Variants in CDH6 observed in about 807,000 individuals in gnomAD.
CDH6 encodes cadherin 6.
CDH6 carries 31 observed loss-of-function variants against 78.0 expected under a neutral mutation model. That is an observed-to-expected ratio of 0.40 (90% CI 0.30 to 0.54). CDH6 has a LOEUF of 0.54. CDH6 is among the 20% of genes least tolerant of loss of function. The probability of loss-of-function intolerance (pLI) is 0.56; values close to 1 mark genes in which losing one functional copy is unlikely to be tolerated. For synonymous variants in CDH6, 376 were observed against 368.8 expected, an observed-to-expected ratio of 1.02 and a Z score of -0.23; for missense variants, 724 against 975.9, an observed-to-expected ratio of 0.74 and a Z score of 3.44.
intron 2 of CDH6, among the ~76,000 whole-genome samples, chr5:31,274,996 A>C (rs1303420094): frequency 6.6e-6 from 1 of 152,166 alleles, no homozygotes; most frequent in East Asian, 1.9e-4. Flanking sequence ...CTTTGAGTCT[A>C]TTCTATAGGC....
intron 1 of CDH6, among the ~76,000 whole-genome samples, chr5:31,237,165 T>A (rs1343330496): frequency 3.7e-5 from 5 of 133,552 alleles, no homozygotes; most frequent in African/African-American, 1.2e-4. Flanking sequence ...ATTTAGTAAA[T>A]AGTTAGCAAT....
chr5:31,284,327 A>G (rs932049422), intron 2 of CDH6, among the ~76,000 whole-genome samples: 1 of 152,228 alleles, frequency 6.6e-6, no homozygotes, highest in African/African-American at 2.4e-5. Flanking sequence ...ATGGTAGGAC[A>G]TTCCCAAAAC....
intron 1 of CDH6, among the ~76,000 whole-genome samples, chr5:31,266,973 G>A (rs1392374592): frequency 6.6e-6 from 1 of 152,118 alleles, no homozygotes; most frequent in Non-Finnish European, 1.5e-5. Context: ...CCTTAAACTT[G>A]TTCATGAGGA....
chr5:31,267,362 A>T lies in CDH6; in HGVS notation c.-112A>T. ...TCTTTCCAGATATCCTCTGAGAGCC[A>T]AGCAAAGAACATTAAGGAAGGAAGG... is the stretch of plus-strand genomic sequence containing the variant. On this transcript the variant is annotated 5_prime_UTR_variant, in exon 2 of 12. Transcript: ENST00000265071. 1 of 748,278 alleles carries T rather than the reference A, an allele frequency of 1.3e-6. No individual in the cohort carries two copies. Among genetic ancestry groups the T allele is most frequent in the Non-Finnish European group, 2.3e-6 (1 of 437,900 alleles). 46.4% of individuals were successfully genotyped at this position (748,278 alleles called of 1,614,324 possible).
chr5:31,239,213 G>A (rs1404484205), intron 1 of CDH6, among the ~76,000 whole-genome samples: 2 of 152,166 alleles, frequency 1.3e-5, no homozygotes, highest in Admixed American at 1.3e-4. Flanking sequence ...AGTCCCTAGA[G>A]GATATTGTGT....
intron 1 of CDH6, among the ~76,000 whole-genome samples, chr5:31,211,608 A>T (rs1371484345): frequency 6.6e-6 from 1 of 152,162 alleles, no homozygotes; most frequent in Admixed American, 6.5e-5. Flanking sequence ...AAGCCAACAG[A>T]GTTCTACATC....
At chr5:31,279,534 C>A (rs1299603006) in intron 2 of CDH6, among the ~76,000 whole-genome samples, 2 of 152,018 alleles carry the variant, frequency 1.3e-5, no homozygotes, top group Admixed American at 6.6e-5. Flanking sequence ...CATGCCACTG[C>A]ACTCTAGCCT....
intron 11 of CDH6, among the ~76,000 whole-genome samples, chr5:31,319,762 C>T (rs1738427330): frequency 6.6e-6 from 1 of 152,150 alleles, no homozygotes; most frequent in African/African-American, 2.4e-5. Context: ...GAAAGTGGAT[C>T]ATATGGTAAT....
At chr5:31,198,162 T>G (rs1027571338) in intron 1 of CDH6, among the ~76,000 whole-genome samples, 2 of 152,164 alleles carry the variant, frequency 1.3e-5, no homozygotes, top group African/African-American at 4.8e-5. Context: ...AACTTTCAAC[T>G]CTTCCAACAA....
At chr5:31,226,759 C>G (rs748901388) in intron 1 of CDH6, among the ~76,000 whole-genome samples, 1 of 152,138 alleles carries the variant, frequency 6.6e-6, no homozygotes. Context: ...AACACAAATT[C>G]GTCGTTTTTG....
intron 4 of CDH6, among the ~76,000 whole-genome samples, chr5:31,297,711 C>T (rs1473290404): frequency 6.6e-6 from 1 of 152,152 alleles, no homozygotes; most frequent in African/African-American, 2.4e-5. Context: ...GGCCTGTTTA[C>T]AGATATTCAG....
chr5:31,194,615 A>G (rs1440985363), intron 1 of CDH6, among the ~76,000 whole-genome samples: 1 of 152,110 alleles, frequency 6.6e-6, no homozygotes. Flanking sequence ...TGTCCAGGGA[A>G]AAGTCATATG....
intron 1 of CDH6, among the ~76,000 whole-genome samples, chr5:31,224,091 G>T (rs2111837086): frequency 6.6e-6 from 1 of 152,246 alleles, no homozygotes; most frequent in African/African-American, 2.4e-5. Context: ...ACCTGAAACT[G>T]GGAAATTTAC....
intron 7 of CDH6, among the ~76,000 whole-genome samples, chr5:31,311,123 G>A (rs752378748): frequency 5.9e-5 from 9 of 152,136 alleles, no homozygotes; most frequent in Non-Finnish European, 1.3e-4. Context: ...TCATCTCTTT[G>A]TTCACACATA....
At chr5:31,232,584 G>A (rs1219961793) in intron 1 of CDH6, among the ~76,000 whole-genome samples, 2 of 152,186 alleles carry the variant, frequency 1.3e-5, no homozygotes, top group African/African-American at 2.4e-5. Context: ...AACATAAGTA[G>A]TTTCCTCTTT....
chr5:31,242,381 T>C (rs1741627585), intron 1 of CDH6, among the ~76,000 whole-genome samples: 2 of 152,162 alleles, frequency 1.3e-5, no homozygotes, highest in African/African-American at 4.8e-5. Flanking sequence ...ATGTTGTCTC[T>C]CAACTCTTGC....
At chr5:31,296,255 T>C (rs1003042124) in intron 3 of CDH6, among the ~76,000 whole-genome samples, 7 of 152,192 alleles carry the variant, frequency 4.6e-5, no homozygotes, top group Admixed American at 4.6e-4. Context: ...AGCCATTAAG[T>C]GATCTTAATC....
At chr5:31,317,247 A>G (rs188111739) in intron 9 of CDH6, 128 bp from the exon 10 acceptor site, 225 of 606,098 alleles carry the variant, frequency 3.7e-4, no homozygotes, top group Non-Finnish European at 4.8e-4. Flanking sequence ...TTCACTGTAT[A>G]TTACTTAAAG....
intron 2 of CDH6, among the ~76,000 whole-genome samples, chr5:31,269,871 T>G (rs187528433): frequency 1.3e-5 from 2 of 152,242 alleles, no homozygotes; most frequent in Admixed American, 6.5e-5. Flanking sequence ...TTATAACACA[T>G]GAGATATTTG....
Sources: gnomAD v4.1 joint callset for allele counts (sites outside exome capture counted in the v4.1 genomes callset) on GRCh38, gnomAD v4.1.1 for gene constraint, MANE v1.5 for transcripts, NCBI Gene and HGNC (gene_info 2026-07-23, HGNC 2026-07-21) for gene names.